The following PUM2 variants were observed in gnomAD, a reference collection of about 807,000 sequenced individuals.
The protein encoded by PUM2 is pumilio homolog 2.
PUM2 carries 57 observed loss-of-function variants against 124.5 expected under a neutral mutation model. That is an observed-to-expected ratio of 0.46 (90% CI 0.37 to 0.57). PUM2 has a LOEUF of 0.57. Among genes scored for constraint, PUM2 ranks in the 20% least tolerant of loss-of-function variants. PUM2 has a pLI of 0.00. For missense variants in PUM2, 1,065 were observed against 1,290.6 expected (o/e 0.83, Z 2.68); for synonymous variants, 460 against 446.1 (o/e 1.03, Z -0.39).
In PUM2 at chr2:20,323,426, C is replaced by T. The variant is rs1052355787; in HGVS notation, c.51+3884G>A. Among the ~76,000 whole-genome samples the T allele has an allele frequency of 2.2e-5, 3 of 138,758 alleles. 1 individual carries two copies. Among genetic ancestry groups the T allele is most frequent in the Non-Finnish European group, 4.5e-5 (3 of 65,950 alleles). 91.0% of individuals were successfully genotyped at this position (138,758 alleles called of 152,430 possible). ...TTGCGCCACTGCACTCCAGCCTAGG[C>T]GACAGAGCGAGACTCCATCTCAAAA... is the stretch of plus-strand genomic sequence containing the variant. On this transcript the variant is annotated intron_variant, in intron 2 of 20. Transcript: ENST00000361078.
intron 13 of PUM2, among the ~76,000 whole-genome samples, chr2:20,269,236 T>C (rs193199569): frequency 2.6e-5 from 4 of 152,230 alleles, no homozygotes; most frequent in Admixed American, 2.6e-4. Flanking sequence ...AGTGCCACTC[T>C]GTCACCCAGG....
intron 1 of PUM2, among the ~76,000 whole-genome samples, chr2:20,329,969 C>T (rs1684555069): frequency 6.6e-6 from 1 of 151,114 alleles, no homozygotes; most frequent in African/African-American, 2.4e-5. Flanking sequence ...TCTACAGATT[C>T]AAGAAGCCCC....
intron 13 of PUM2, among the ~76,000 whole-genome samples, chr2:20,267,984 T>C (rs912671055): frequency 5.9e-5 from 9 of 152,232 alleles, no homozygotes; most frequent in Admixed American, 2.0e-4. Flanking sequence ...TATCCAAGGA[T>C]GCAGAATCTG....
rs118027314 is a variant in PUM2 at position 20,274,038 on chromosome 2, C to T, written c.1957+4545G>A. ...CCTATAGAATAGCATAATGGAAAAA[C>T]GAAGAATAGTATCACGAGTCAGAAC... On this transcript the variant is annotated intron_variant, in intron 13 of 20. Coordinates refer to ENST00000361078, the MANE Select transcript of PUM2 (RefSeq NM_015317.5). 2.6e-5 allele frequency among the ~76,000 whole-genome samples: 4 copies of T among 152,078 alleles called. No homozygotes were observed. The East Asian group carries it at 5.8e-4, about 22-fold the overall frequency.
At chr2:20,304,027 C>T (rs748610827) in intron 7 of PUM2, among the ~76,000 whole-genome samples, 4 of 152,190 alleles carry the variant, frequency 2.6e-5, no homozygotes, top group Admixed American at 6.5e-5. Context: ...CATTATCTTA[C>T]ATGAGAGTTT....
At chr2:20,260,609 A>G (rs2148515897) in intron 14 of PUM2, 143 bp from the exon 15 acceptor site, 1 of 633,314 alleles carries the variant, frequency 1.6e-6, no homozygotes, top group Admixed American at 3.8e-5. Context: ...CTTACAGCAA[A>G]AAGGACAAAA....
At chr2:20,340,231 G>A (rs1686968689) in intron 1 of PUM2, among the ~76,000 whole-genome samples, 1 of 152,174 alleles carries the variant, frequency 6.6e-6, no homozygotes, top group Non-Finnish European at 1.5e-5. Flanking sequence ...AATACCAATG[G>A]AGGTGAAAAT....
intron 2 of PUM2, among the ~76,000 whole-genome samples, chr2:20,318,889 T>C (rs1037453615): frequency 2.0e-5 from 3 of 152,204 alleles, no homozygotes; most frequent in Non-Finnish European, 4.4e-5. Flanking sequence ...TTTCTTCACT[T>C]TTCATACATT....
rs1464125801 is a variant in PUM2 at position 20,255,411 on chromosome 2, GTTTGT to G, written c.2623-75_2623-71del. 3.3e-4 allele frequency: 447 copies of G among 1,370,246 alleles called. 2 individuals carry two copies. The South Asian group carries it at 4.2e-3, about 13-fold the overall frequency. The allele number at this position is 1,370,246 out of a possible 1,614,324, so 84.9% of individuals were successfully genotyped here. A position where few individuals can be genotyped will look rare whatever the true frequency, so the allele number is the denominator to read the frequency against. ...TTGAACAGTTCTATGAAGCAGACTGGTTTGTTTTTTTTTTTTTTGACAACACCTAA... is the reference window on the plus strand; with the variant it reads ...TTGAACAGTTCTATGAAGCAGACTGGTTTTTTTTTTTTTGACAACACCTAA... On this transcript the variant is annotated intron_variant, in intron 17 of 20. Coordinates refer to ENST00000361078, the MANE Select transcript of PUM2 (RefSeq NM_015317.5).
At chr2:20,291,415 C>A (rs1232812466) in intron 9 of PUM2, among the ~76,000 whole-genome samples, 2 of 152,196 alleles carry the variant, frequency 1.3e-5, no homozygotes, top group Non-Finnish European at 2.9e-5. Flanking sequence ...CCCACATATC[C>A]TCCTCGCTCG....
chr2:20,342,432 G>A (rs528661116), intron 1 of PUM2, among the ~76,000 whole-genome samples: 2 of 148,740 alleles, frequency 1.3e-5, no homozygotes, highest in South Asian at 4.3e-4. Flanking sequence ...CTGGCTCCAA[G>A]AAATTCTACA....
rs765563628 is a variant in PUM2 at position 20,278,576 on chromosome 2, T to C, written c.1957+7A>G. 5 of 1,594,658 alleles carry C rather than the reference T, an allele frequency of 3.1e-6. No individual in the cohort carries two copies. The South Asian group carries it at 5.5e-5, about 18-fold the overall frequency. ...ACAAATAAAAAGGGTTTTGGTTTTT[T>C]TTTTACCTAAATGCAAACTGGATGA... On this transcript the variant is annotated splice_region_variant and intron_variant, in intron 13 of 20. Coordinates refer to ENST00000361078, the MANE Select transcript of PUM2 (RefSeq NM_015317.5).
chr2:20,258,481 A>T (rs976503116), intron 15 of PUM2, 110 bp from the exon 16 acceptor site: 1 of 997,798 alleles, frequency 1.0e-6, no homozygotes, highest in African/African-American at 1.6e-5. Context: ...TATGTAGGGC[A>T]GGGGCTTTAA....
At chr2:20,302,710 A>G (rs780416901) in intron 7 of PUM2, among the ~76,000 whole-genome samples, 6 of 152,246 alleles carry the variant, frequency 3.9e-5, no homozygotes, top group Non-Finnish European at 8.8e-5. Flanking sequence ...GTGCTCCAAA[A>G]AGTTAAAGAA....
chr2:20,333,358 G>A (rs1301398119), intron 1 of PUM2, among the ~76,000 whole-genome samples: 4 of 152,002 alleles, frequency 2.6e-5, no homozygotes, highest in Non-Finnish European at 5.9e-5. Flanking sequence ...AACATAGGGA[G>A]ACCTAGCTCT....
chr2:20,273,059 C>T (rs1278067106), intron 13 of PUM2, among the ~76,000 whole-genome samples: 1 of 152,144 alleles, frequency 6.6e-6, no homozygotes, highest in South Asian at 2.1e-4. Flanking sequence ...ACCTTTTGAT[C>T]CTTAGGGTAC....
At chr2:20,264,359 A>ATAC (rs1332941910) in intron 13 of PUM2, among the ~76,000 whole-genome samples, 1 of 70,036 alleles carries the variant, frequency 1.4e-5, no homozygotes, top group Non-Finnish European at 2.7e-5. Context: ...AAAAAAAAAA[A>ATAC]AAAAAAAAAT....
At chr2:20,291,941 A>C (rs185318261) in intron 9 of PUM2, among the ~76,000 whole-genome samples, 1 of 152,040 alleles carries the variant, frequency 6.6e-6, no homozygotes, top group Admixed American at 6.6e-5. Flanking sequence ...ATCCAATGAA[A>C]AGTAAGTGCT....
In PUM2 at chr2:20,260,400, C is replaced by A; in HGVS notation, c.2292G>T (p.Leu764=). ...CAGTCATTAATTGATAGGCTGCTTG[C>A]AGAATTTCATTAAATACCATCTGTC... The part of the protein sequence containing the change: ...AERQMVFNEI[L]QAAYQLMTDV... Residue 764 remains leucine (L), a synonymous_variant, in exon 15 of 21, where the codon CTG becomes CTT. Transcript: ENST00000361078. 1 of 1,612,530 alleles carries A rather than the reference C, an allele frequency of 6.2e-7. No homozygotes were observed. Among genetic ancestry groups the A allele is most frequent in the Non-Finnish European group, 8.5e-7 (1 of 1,178,830 alleles).
Sources: gnomAD v4.1 joint callset for allele counts (sites outside exome capture counted in the v4.1 genomes callset) on GRCh38, gnomAD v4.1.1 for gene constraint, MANE v1.5 for transcripts, NCBI Gene and HGNC (gene_info 2026-07-23, HGNC 2026-07-21) for gene names.